The following RAB12 variants were observed in gnomAD, a reference collection of about 807,000 sequenced individuals.
The protein encoded by RAB12 is ras-related protein Rab-12.
In RAB12, 11 loss-of-function variants were observed where a neutral mutation model predicts 28.4. The observed-to-expected ratio is 0.39, with a 90% CI of 0.24 to 0.64. The LOEUF is 0.64. Ranked by LOEUF, RAB12 falls within the 30% of genes least tolerant of loss-of-function variation. RAB12 has a pLI of 0.50. For missense variants in RAB12, 276 were observed against 351.1 expected (o/e 0.79, Z 1.71); for synonymous variants, 138 against 145.3 (o/e 0.95, Z 0.36).
rs140436020 is a variant in RAB12 at position 8,630,741 on chromosome 18, C to T, written c.576-2448C>T. ...CAGTGTCAGCCTGGAGAAAAAAGAA[C>T]GCTTTTAGATTTCAAAGGAGCAGTT... On this transcript the variant is annotated intron_variant, in intron 2 of 5. Coordinates refer to ENST00000649141, the MANE Select transcript of RAB12 (RefSeq NM_001025300.3). 6.3e-3 allele frequency among the ~76,000 whole-genome samples: 964 copies of T among 152,302 alleles called. 13 individuals carry two copies. Among genetic ancestry groups the T allele is most frequent in the African/African-American group, 0.023 (944 of 41,554 alleles).
In RAB12 at chr18:8,638,178, G is replaced by T. The variant is rs746923211; in HGVS notation, c.939G>T (p.Leu313Phe). The change falls in exon 6 of 6, where the codon TTG (leucine) becomes TTT (phenylalanine). Residue 313 changes from leucine (L) to phenylalanine (F), a missense_variant. Around this residue, in one of 4 missense-constraint regions of RAB12, gnomAD observed 127 missense variants for 161.4 expected, o/e 0.79. Coordinates refer to ENST00000649141, the MANE Select transcript of RAB12 (RefSeq NM_001025300.3). ...KMPLDILRNE[L>F]SNSILSLQPE... ...CTCTGGATATTTTAAGGAATGAGTT[G>T]TCCAATAGTATCCTGTCGTTACAAC... 6.2e-7 allele frequency: 1 copy of T among 1,613,520 alleles called. No homozygotes were observed. Among genetic ancestry groups the T allele is most frequent in the South Asian group, 1.1e-5 (1 of 91,062 alleles).
chr18:8,625,447 G>T (rs2096012119), intron 2 of RAB12, among the ~76,000 whole-genome samples: 1 of 152,176 alleles, frequency 6.6e-6, no homozygotes, highest in Non-Finnish European at 1.5e-5. Context: ...GGCACAATGT[G>T]ACTATTACTG....
At chr18:8,617,367 G>A (rs1309865405) in intron 1 of RAB12, among the ~76,000 whole-genome samples, 2 of 151,574 alleles carry the variant, frequency 1.3e-5, no homozygotes, top group African/African-American at 4.9e-5. Flanking sequence ...CAGTCCCTGT[G>A]TTTTCATGGA....
intron 2 of RAB12, 144 bp from the exon 3 acceptor site, chr18:8,633,045 G>T: frequency 2.2e-6 from 2 of 904,590 alleles, no homozygotes; most frequent in Non-Finnish European, 3.5e-6. Context: ...CTTTAAGTGT[G>T]GTCATCAGGT....
intron 1 of RAB12, among the ~76,000 whole-genome samples, chr18:8,611,529 G>GC (rs1024874634): frequency 6.6e-6 from 1 of 152,152 alleles, no homozygotes; most frequent in Non-Finnish European, 1.5e-5. Flanking sequence ...CAGTGGAGCA[G>GC]CCCCCCACCT....
intron 2 of RAB12, among the ~76,000 whole-genome samples, chr18:8,628,784 TTTGA>T (rs1202734687): frequency 6.6e-6 from 1 of 152,218 alleles, no homozygotes; most frequent in Non-Finnish European, 1.5e-5. Context: ...ATCCCTGTTC[TTTGA>T]TTGTTTTTAT....
intron 2 of RAB12, among the ~76,000 whole-genome samples, chr18:8,629,407 T>C (rs141148156): frequency 2.9e-4 from 44 of 152,322 alleles, no homozygotes; most frequent in African/African-American, 9.6e-4. Context: ...ATTCTTCAGA[T>C]TTCCTTTTTT....
chr18:8,614,739 C>T (rs2096005830), intron 1 of RAB12, among the ~76,000 whole-genome samples: 1 of 152,062 alleles, frequency 6.6e-6, no homozygotes, highest in Non-Finnish European at 1.5e-5. Flanking sequence ...GCACTCACCA[C>T]CACGCCTGGC....
chr18:8,619,893 C>T (rs1028845411), intron 1 of RAB12, among the ~76,000 whole-genome samples: 1 of 152,038 alleles, frequency 6.6e-6, no homozygotes, highest in South Asian at 2.1e-4. Flanking sequence ...GCCTATAAAC[C>T]CAGCACTTGG....
intron 4 of RAB12, 27 bp downstream of exon 4, chr18:8,635,649 CCA>C: frequency 3.4e-6 from 5 of 1,480,092 alleles, no homozygotes; most frequent in Non-Finnish European, 4.7e-6. Context: ...GGCACGGTTG[CCA>C]CACACTGTGC....
intron 1 of RAB12, among the ~76,000 whole-genome samples, chr18:8,617,876 A>G (rs1307673975): frequency 1.3e-5 from 2 of 152,224 alleles, no homozygotes; most frequent in Non-Finnish European, 2.9e-5. Context: ...AGACAGTAAT[A>G]TATACCTCAT....
chr18:8,637,248 T>A (rs1378460214), intron 5 of RAB12, among the ~76,000 whole-genome samples: 1 of 150,620 alleles, frequency 6.6e-6, no homozygotes, highest in African/African-American at 2.5e-5. Context: ...CACTCCAGCC[T>A]GGGTGACAGA....
In RAB12 at chr18:8,638,266, C is replaced by G; in HGVS notation, c.*4C>G. On this transcript the variant is annotated 3_prime_UTR_variant, in exon 6 of 6. Transcript: ENST00000649141. ...ACCACATGTCCGATGCTGTTGATTT[C>G]CTACTTTGGAGACAAAGTGGAAATG... The G allele has an allele frequency of 2.5e-6, 4 of 1,600,042 alleles. No individual in the cohort carries two copies. Among genetic ancestry groups the G allele is most frequent in the Non-Finnish European group, 3.4e-6 (4 of 1,167,658 alleles).
chr18:8,635,811 G>A, intron 4 of RAB12, 189 bp downstream of exon 4: 1 of 497,648 alleles, frequency 2.0e-6, no homozygotes, highest in Non-Finnish European at 3.5e-6. Flanking sequence ...TGAAATGGAG[G>A]GAGAAAAAAA....
In RAB12 at chr18:8,639,147, CTTTTTTTTTTTTTTTTTTTTTTTTTTT is replaced by C. The variant is rs71165796; in HGVS notation, c.*904_*930del. 0.025 allele frequency: 405 copies of C among 16,064 alleles called. 8 individuals are homozygous for C. Among genetic ancestry groups the C allele is most frequent in the African/African-American group, 0.079 (368 of 4,682 alleles). 1.0% of individuals were successfully genotyped at this position (16,064 alleles called of 1,614,324 possible). A position where few individuals can be genotyped will look rare whatever the true frequency, so the allele number is the denominator to read the frequency against. On this transcript the variant is annotated 3_prime_UTR_variant, in exon 6 of 6. Transcript: ENST00000649141. ...ATTCTGATTAAGCCTAGACTGTGTT[CTTTTTTTTTTTTTTTTTTTTTTTTTTT>C]TTTTTTTTTTTTTTTTTTGGTCTGA...
At chr18:8,625,799 A>G (rs1182545768) in intron 2 of RAB12, among the ~76,000 whole-genome samples, 1 of 152,168 alleles carries the variant, frequency 6.6e-6, no homozygotes, top group African/African-American at 2.4e-5. Context: ...TCCTCTTGGC[A>G]GGTCACCCTC....
At chr18:8,622,121 T>G (rs562104651) in intron 1 of RAB12, among the ~76,000 whole-genome samples, 7 of 151,310 alleles carry the variant, frequency 4.6e-5, no homozygotes, top group African/African-American at 1.7e-4. Context: ...AAACAAAGAT[T>G]ATCTGCTCTA....
At chr18:8,620,717 T>C (rs546582156) in intron 1 of RAB12, among the ~76,000 whole-genome samples, 2 of 152,222 alleles carry the variant, frequency 1.3e-5, no homozygotes, top group African/African-American at 4.8e-5. Context: ...TGTCCTAGAC[T>C]TTAGGGGGCT....
intron 2 of RAB12, among the ~76,000 whole-genome samples, chr18:8,625,719 C>A (rs1457735186): frequency 6.6e-6 from 1 of 152,096 alleles, no homozygotes. Context: ...TAAAAGTAGC[C>A]CCATTGAGGT....
Sources: gnomAD v4.1 joint callset for allele counts (sites outside exome capture counted in the v4.1 genomes callset) on GRCh38, gnomAD v4.1.1 for gene constraint, gnomAD v4.1.1 regional missense constraint, MANE v1.5 for transcripts, NCBI Gene and HGNC (gene_info 2026-07-23, HGNC 2026-07-21) for gene names.